The following MORN1 variants were observed in gnomAD, a reference collection of about 807,000 sequenced individuals.
MORN1 encodes the protein MORN repeat containing 1.
In MORN1, 67 loss-of-function variants were observed where a neutral mutation model predicts 61.9. The ratio of observed to expected loss-of-function variants is 1.08; its 90% CI spans 0.89 to 1.33. The LOEUF (loss-of-function observed/expected upper bound fraction) is 1.33. Ranked by LOEUF, MORN1 falls within the 40% of genes most tolerant of loss-of-function variation. The pLI is 0.00. For synonymous variants in MORN1, 301 were observed against 292.0 expected (o/e 1.03, Z -0.31); for missense variants, 752 against 691.2 (o/e 1.09, Z -0.99).
chr1:2,355,780 C>A (rs937450871), intron 10 of MORN1, among the ~76,000 whole-genome samples: 2 of 152,226 alleles, frequency 1.3e-5, no homozygotes, highest in African/African-American at 2.4e-5. Context: ...GCCAACCACG[C>A]CCCTCAGCCC....
At chr1:2,331,885 C>G (rs1388953084) in intron 12 of MORN1, among the ~76,000 whole-genome samples, 3 of 139,386 alleles carry the variant, frequency 2.2e-5, no homozygotes, top group Non-Finnish European at 4.7e-5. Flanking sequence ...GCCTCTCCCG[C>G]CCCTGCGCCT....
rs1037767048 is a variant in MORN1 at position 2,355,225 on chromosome 1, T to C, written c.1036+2207A>G. On this transcript the variant is annotated intron_variant, in intron 10 of 13. Coordinates refer to ENST00000378531, the MANE Select transcript of MORN1 (RefSeq NM_024848.3). ...TATGAGAGCTATTCCACCTATGCGGTGTGGAACTGCTTCTATCAACTGAGG... is the reference window on the plus strand; with the variant it reads ...TATGAGAGCTATTCCACCTATGCGGCGTGGAACTGCTTCTATCAACTGAGG... The C allele has an allele frequency of 2.5e-5, 35 of 1,396,266 alleles. 1 individual carries two copies. In the South Asian group the frequency reaches 5.3e-4, roughly 21 times the overall value. 86.5% of individuals were successfully genotyped at this position (1,396,266 alleles called of 1,614,324 possible). A position where few individuals can be genotyped will look rare whatever the true frequency, so the allele number is the denominator to read the frequency against.
chr1:2,380,436 A>AGAT (rs1246163160), intron 6 of MORN1, among the ~76,000 whole-genome samples: 1 of 152,208 alleles, frequency 6.6e-6, no homozygotes, highest in African/African-American at 2.4e-5. Flanking sequence ...CAGGAATTGG[A>AGAT]GATTAGCCTG....
intron 12 of MORN1, among the ~76,000 whole-genome samples, chr1:2,329,533 G>A (rs1641103522): frequency 6.6e-6 from 1 of 152,186 alleles, no homozygotes; most frequent in African/African-American, 2.4e-5. Flanking sequence ...CCCCCACCCT[G>A]GGGCCAGGCC....
At chr1:2,326,803 C>T (rs935317948) in intron 12 of MORN1, 1 of 152,332 alleles carries the variant, frequency 6.6e-6, no homozygotes, top group Admixed American at 6.5e-5. Context: ...TCCTGACTTT[C>T]GGAGGCCTGG....
At chr1:2,325,322 T>C (rs1641003720) in intron 12 of MORN1, among the ~76,000 whole-genome samples, 2 of 149,724 alleles carry the variant, frequency 1.3e-5, no homozygotes, top group South Asian at 4.3e-4. Context: ...CTCCTTTCTT[T>C]CTCTAGATAG....
intron 6 of MORN1, chr1:2,379,255 TC>T (rs1642317778): frequency 2.3e-6 from 1 of 432,098 alleles, no homozygotes; most frequent in South Asian, 1.7e-5. Flanking sequence ...AAGGGCATGA[TC>T]CGAGGTGGGC....
intron 10 of MORN1, chr1:2,352,250 A>C (rs183581379): frequency 5.0e-6 from 1 of 201,876 alleles, no homozygotes; most frequent in African/African-American, 2.4e-5. Flanking sequence ...CCTTTCTCCT[A>C]GCTGGAATAG....
intron 5 of MORN1, 30 bp from the exon 6 acceptor site, chr1:2,385,095 C>G: frequency 6.4e-7 from 1 of 1,563,004 alleles, no homozygotes; most frequent in Non-Finnish European, 8.7e-7. Flanking sequence ...AGTCCACTCT[C>G]AACAGGGGGA....
intron 10 of MORN1, among the ~76,000 whole-genome samples, chr1:2,339,244 C>T (rs1398339390): frequency 1.3e-5 from 2 of 152,208 alleles, no homozygotes; most frequent in African/African-American, 4.8e-5. Flanking sequence ...GGAGCCCACA[C>T]CGTGTGTCTT....
intron 2 of MORN1, chr1:2,388,649 C>T (rs1004933784): frequency 1.3e-4 from 41 of 315,256 alleles, no homozygotes; most frequent in Admixed American, 9.2e-4. Context: ...TGTGGTGGTA[C>T]GTGTTTGTGG....
chr1:2,374,537 G>A lies in MORN1; in HGVS notation c.558C>T (p.Val186=), dbSNP rs193002958. ...GGGCCATGCTGCCCAGTCCACTGAA[G>A]ACGTCGCTGTGCCACTGTCCCTGCA... is the stretch of plus-strand genomic sequence containing the variant. ...STYKGQWHSD[V]FSGLGSMAHC... is the part of the protein sequence containing the mutation. Residue 186 remains valine, a synonymous_variant, in exon 7 of 14, where the codon GTC becomes GTT. Transcript: ENST00000378531. 4.6e-5 allele frequency: 73 copies of A among 1,598,324 alleles called. No homozygotes were observed. Among genetic ancestry groups the A allele is most frequent in the Admixed American group, 3.8e-4 (22 of 57,224 alleles).
chr1:2,390,110 G>T, intron 1 of MORN1, 114 bp from the exon 2 acceptor site: 2 of 965,302 alleles, frequency 2.1e-6, no homozygotes, highest in Non-Finnish European at 3.3e-6. Context: ...GTTGGTACAC[G>T]TCACCTTCAG....
At chr1:2,329,508 C>T (rs1641103249) in intron 12 of MORN1, among the ~76,000 whole-genome samples, 1 of 152,222 alleles carries the variant, frequency 6.6e-6, no homozygotes, top group South Asian at 2.1e-4. Context: ...AGCCCCCCGC[C>T]TGCGGGACAC....
chr1:2,361,785 TC>T (rs1641895994), intron 8 of MORN1, among the ~76,000 whole-genome samples: 1 of 152,102 alleles, frequency 6.6e-6, no homozygotes, highest in Non-Finnish European at 1.5e-5. Context: ...CAATTCCGAC[TC>T]CCCACAGCTT....
intron 8 of MORN1, among the ~76,000 whole-genome samples, chr1:2,368,918 G>C (rs958355035): frequency 6.6e-6 from 1 of 151,946 alleles, no homozygotes; most frequent in East Asian, 1.9e-4. Context: ...TTAGCTGGGC[G>C]TGGTGGTGGG....
intron 6 of MORN1, among the ~76,000 whole-genome samples, chr1:2,381,612 C>T (rs1417959574): frequency 6.6e-6 from 1 of 152,120 alleles, no homozygotes; most frequent in Non-Finnish European, 1.5e-5. Flanking sequence ...ATGTTATAAC[C>T]CCAGGGAATG....
In MORN1 at chr1:2,323,995, C is replaced by T. The variant is rs1038600505; in HGVS notation, c.1297+102G>A. ...CCCACTGCCACCTACCTCTGGGGGC[C>T]CCGGGCCGAGTTCCCCCAACCCCAC... is the stretch of plus-strand genomic sequence containing the variant. On this transcript the variant is annotated intron_variant, in intron 13 of 13. Transcript: ENST00000378531. The T allele has an allele frequency of 3.7e-5, 55 of 1,471,114 alleles. No homozygotes were observed. The Admixed American group carries it at 7.2e-4, about 19-fold the overall frequency. The allele number at this position is 1,471,114 out of a possible 1,614,324, so 91.1% of individuals were successfully genotyped here.
intron 13 of MORN1, chr1:2,321,917 G>A (rs907750633): frequency 4.0e-6 from 3 of 750,576 alleles, no homozygotes; most frequent in Non-Finnish European, 4.9e-6. Flanking sequence ...AGCCCCCACT[G>A]CTGACCTGGC....
Sources: gnomAD v4.1 joint callset for allele counts (sites outside exome capture counted in the v4.1 genomes callset) on GRCh38, gnomAD v4.1.1 for gene constraint, MANE v1.5 for transcripts, NCBI Gene and HGNC (gene_info 2026-07-23, HGNC 2026-07-21) for gene names.